Variants in TRIP12 observed in about 807,000 individuals in gnomAD.
TRIP12 encodes the protein thyroid hormone receptor interactor 12.
TRIP12 carries 25 observed loss-of-function variants against 244.2 expected under a neutral mutation model. The ratio of observed to expected loss-of-function variants is 0.10; its 90% CI spans 0.07 to 0.14. TRIP12 has a LOEUF of 0.14. Ranked by LOEUF, TRIP12 falls within the 10% of genes least tolerant of loss-of-function variation. TRIP12 has a pLI of 1.00. For missense variants in TRIP12, 1,677 were observed against 2,486.4 expected (o/e 0.67, Z 6.92); for synonymous variants, 905 against 873.1 (o/e 1.04, Z -0.64).
At chr2:229,782,851 T>C (rs1274191747) in intron 34 of TRIP12, among the ~76,000 whole-genome samples, 2 of 152,090 alleles carry the variant, frequency 1.3e-5, no homozygotes, top group Non-Finnish European at 2.9e-5. Context: ...TTACCTACAT[T>C]TTACAGATAA....
chr2:229,779,550 C>G (rs2037408639), intron 34 of TRIP12, among the ~76,000 whole-genome samples: 1 of 152,194 alleles, frequency 6.6e-6, no homozygotes, highest in African/African-American at 2.4e-5. Context: ...ACCTGACACA[C>G]AGTAGCCATT....
chr2:229,835,747 C>G lies in TRIP12; in HGVS notation c.1270+1101G>C, dbSNP rs977946405. Among the ~76,000 whole-genome samples the G allele has an allele frequency of 5.3e-5, 8 of 152,250 alleles. No individual in the cohort carries two copies. The South Asian group carries it at 6.2e-4, about 12-fold the overall frequency. ...TAGCCTGCAGCTCCTTTTCTGTTACCCATTTGGGAATTGCCCCATTTCCAC... is the reference window on the plus strand; with the variant it reads ...TAGCCTGCAGCTCCTTTTCTGTTACGCATTTGGGAATTGCCCCATTTCCAC... On this transcript the variant is annotated intron_variant, in intron 6 of 41. Coordinates refer to ENST00000675903, the MANE Select transcript of TRIP12 (RefSeq NM_001348323.3).
intron 2 of TRIP12, among the ~76,000 whole-genome samples, chr2:229,868,709 C>T (rs536395264): frequency 5.6e-4 from 86 of 152,280 alleles, no homozygotes; most frequent in African/African-American, 1.9e-3. Flanking sequence ...GGAAGGCACT[C>T]ACACCGGTTA....
intron 1 of TRIP12, among the ~76,000 whole-genome samples, chr2:229,893,275 A>C (rs888397602): frequency 3.3e-5 from 5 of 152,240 alleles, no homozygotes; most frequent in Non-Finnish European, 7.3e-5. Context: ...ATGTATCATA[A>C]AACAGTTTCC....
intron 2 of TRIP12, among the ~76,000 whole-genome samples, chr2:229,874,007 A>C (rs2063156068): frequency 6.6e-6 from 1 of 151,888 alleles, no homozygotes; most frequent in Non-Finnish European, 1.5e-5. Flanking sequence ...TGGTAGACTT[A>C]ATTATCTGAT....
At chr2:229,910,242 A>C (rs920476582) in intron 1 of TRIP12, among the ~76,000 whole-genome samples, 11 of 152,230 alleles carry the variant, frequency 7.2e-5, no homozygotes, top group African/African-American at 2.7e-4. Flanking sequence ...TTAAAAATTT[A>C]AATAAACTCA....
chr2:229,918,902 A>C (rs1039638878), intron 1 of TRIP12, among the ~76,000 whole-genome samples: 1 of 152,166 alleles, frequency 6.6e-6, no homozygotes, highest in African/African-American at 2.4e-5. Context: ...TGGGTCTCAC[A>C]ACCACCCAGT....
chr2:229,799,493 C>T (rs761208198), intron 21 of TRIP12, 110 bp from the exon 22 acceptor site: 7 of 998,970 alleles, frequency 7.0e-6, no homozygotes, highest in Non-Finnish European at 1.1e-5. Context: ...AAAATACTGT[C>T]AGGCCGGGCG....
At chr2:229,797,132 G>T (rs1326321748) in intron 24 of TRIP12, among the ~76,000 whole-genome samples, 1 of 152,048 alleles carries the variant, frequency 6.6e-6, no homozygotes, top group East Asian at 1.9e-4. Context: ...AGAATACAAG[G>T]TGTGGCTTTA....
rs189370174 is a variant in TRIP12 at position 229,805,959 on chromosome 2, C to T, written c.2497-76G>A. 3,062 of 1,171,684 alleles carry T rather than the reference C, an allele frequency of 2.6e-3. 11 individuals are homozygous for T. Among genetic ancestry groups the T allele is most frequent in the Non-Finnish European group, 3.2e-3 (2,757 of 866,300 alleles). The allele number at this position is 1,171,684 out of a possible 1,614,324, so 72.6% of individuals were successfully genotyped here. On this transcript the variant is annotated intron_variant, in intron 17 of 41. Transcript: ENST00000675903. ...ACCTTAAGACACAGTGGGGACCCTCCAAATATGCTATCTTACATATTTATT... is the reference window on the plus strand; with the variant it reads ...ACCTTAAGACACAGTGGGGACCCTCTAAATATGCTATCTTACATATTTATT...
At chr2:229,851,971 C>G (rs906885804) in intron 4 of TRIP12, among the ~76,000 whole-genome samples, 1 of 152,240 alleles carries the variant, frequency 6.6e-6, no homozygotes, top group Non-Finnish European at 1.5e-5. Context: ...AAATTCATCT[C>G]TCCTGCTTAA....
In TRIP12 at chr2:229,766,408, T is replaced by C. The variant is rs970428908; in HGVS notation, c.*1146A>G. ...GAAGCAAACTTTCTTTATTTTCAGG[T>C]AAAAACATTAACCTGATGGATTATT... On this transcript the variant is annotated 3_prime_UTR_variant, in exon 42 of 42. Coordinates refer to ENST00000675903, the MANE Select transcript of TRIP12 (RefSeq NM_001348323.3). 6.6e-6 allele frequency: 1 copy of C among 152,180 alleles called. No homozygotes were observed. Among genetic ancestry groups the C allele is most frequent in the Non-Finnish European group, 1.5e-5 (1 of 68,024 alleles). 9.4% of individuals were successfully genotyped at this position (152,180 alleles called of 1,614,324 possible).
Position 229,840,414 on chromosome 2 carries a change from A to T in TRIP12, c.1133+408T>A, listed in dbSNP as rs1450904467. ...TAAAAAAAAATTTAAATAATTTTTT[A>T]AAAATCATCGGGCACGGTGGCTCAC... is the stretch of plus-strand genomic sequence containing the variant. On this transcript the variant is annotated intron_variant, in intron 5 of 41. Transcript: ENST00000675903. Among the ~76,000 whole-genome samples, 6 of 152,326 alleles carry T rather than the reference A, an allele frequency of 3.9e-5. No homozygotes were observed. The East Asian group carries it at 9.6e-4, about 24-fold the overall frequency.
At position 229,769,218 on chromosome 2, in the gene TRIP12, C is replaced by A; in HGVS notation, c.5903+13G>T. ...CAGAATCAACAGAAAAACTGGCAGA[C>A]CCCAGTACTTACCTGTCATGAGTAT... is the stretch of plus-strand genomic sequence containing the variant. On this transcript the variant is annotated intron_variant, in intron 40 of 41. Transcript: ENST00000675903. The A allele has an allele frequency of 6.2e-7, 1 of 1,609,694 alleles. No homozygotes were observed. The highest frequency in any genetic ancestry group is 1.1e-5 in the South Asian group (1 of 90,640).
chr2:229,881,539 T>C (rs1169074301), intron 1 of TRIP12, among the ~76,000 whole-genome samples: 1 of 152,264 alleles, frequency 6.6e-6, no homozygotes, highest in Non-Finnish European at 1.5e-5. Context: ...AGTTTTCTTT[T>C]GGGTTATATT....
At chr2:229,880,713 G>C (rs1300047871) in intron 1 of TRIP12, among the ~76,000 whole-genome samples, 1 of 152,234 alleles carries the variant, frequency 6.6e-6, no homozygotes, top group Non-Finnish European at 1.5e-5. Context: ...GGAGGCTGAG[G>C]TGGGTGGATC....
chr2:229,783,521 G>T (rs998803742), intron 34 of TRIP12, among the ~76,000 whole-genome samples: 6 of 152,088 alleles, frequency 3.9e-5, no homozygotes, highest in African/African-American at 7.2e-5. Flanking sequence ...GAAAATGAAA[G>T]AACAGTATCA....
At chr2:229,814,133 T>C (rs1041213845) in intron 12 of TRIP12, 100 bp downstream of exon 12, 3 of 1,532,094 alleles carry the variant, frequency 2.0e-6, no homozygotes, top group Non-Finnish European at 2.7e-6. Context: ...GAAACAACAT[T>C]TGTATCTTAC....
chr2:229,842,585 A>G (rs1324994432), intron 4 of TRIP12, among the ~76,000 whole-genome samples: 1 of 152,212 alleles, frequency 6.6e-6, no homozygotes, highest in Non-Finnish European at 1.5e-5. Flanking sequence ...ACACACCAAA[A>G]AACAGTGTTT....
Sources: allele counts gnomAD v4.1 joint callset (sites outside exome capture counted in the v4.1 genomes callset), GRCh38; gene constraint gnomAD v4.1.1; transcripts MANE v1.5; gene names NCBI Gene and HGNC (gene_info 2026-07-23, HGNC 2026-07-21).